SLC9A2: variants seen among roughly 807,000 people sequenced by gnomAD.
SLC9A2 encodes the protein sodium/hydrogen exchanger 2.
A neutral mutation model predicts 71.7 loss-of-function variants in SLC9A2; 42 were observed. That is an observed-to-expected ratio of 0.59 (90% confidence interval 0.46 to 0.76). The LOEUF (loss-of-function observed/expected upper bound fraction) is 0.76. SLC9A2 is among the 30% of genes least tolerant of loss of function. The pLI is 0.00. For synonymous variants in SLC9A2, 396 were observed against 392.5 expected, an observed-to-expected ratio of 1.01 and a Z score of -0.10; for missense variants, 829 against 1,017.4, an observed-to-expected ratio of 0.81 and a Z score of 2.52.
intron 2 of SLC9A2, among the ~76,000 whole-genome samples, chr2:102,660,083 G>A (rs988720708): frequency 2.0e-5 from 3 of 152,142 alleles, no homozygotes; most frequent in Non-Finnish European, 4.4e-5. Flanking sequence ...TCTCAGGATA[G>A]GGTCTGGCTA....
At position 102,627,541 on chromosome 2, in the gene SLC9A2, T is replaced by C. The variant is rs539645992; in HGVS notation, c.289+7404T>C. 2.0e-5 allele frequency among the ~76,000 whole-genome samples: 3 copies of C among 152,262 alleles called. No homozygotes were observed. The South Asian group carries it at 6.2e-4, about 32-fold the overall frequency. On this transcript the variant is annotated intron_variant, in intron 1 of 11. Coordinates refer to ENST00000233969, the MANE Select transcript of SLC9A2 (RefSeq NM_003048.6). Reference sequence around the variant, plus strand: ...TGAGTTTTTAAAAATTTATTGGAAGTTATTTTATGATTTAAAAGATCTCCA... The same window carrying C: ...TGAGTTTTTAAAAATTTATTGGAAGCTATTTTATGATTTAAAAGATCTCCA...
intron 3 of SLC9A2, among the ~76,000 whole-genome samples, chr2:102,667,493 G>T (rs1434070320): frequency 1.3e-5 from 2 of 152,208 alleles, no homozygotes; most frequent in Non-Finnish European, 2.9e-5. Flanking sequence ...TTGGGGGAAA[G>T]TTGAAGAATT....
At chr2:102,627,437 T>A (rs1214564723) in intron 1 of SLC9A2, among the ~76,000 whole-genome samples, 1 of 152,220 alleles carries the variant, frequency 6.6e-6, no homozygotes, top group Admixed American at 6.5e-5. Flanking sequence ...GTGGCTTTAA[T>A]GTTTATAGTT....
intron 1 of SLC9A2, among the ~76,000 whole-genome samples, chr2:102,628,919 G>A (rs893641421): frequency 2.0e-5 from 3 of 152,090 alleles, no homozygotes; most frequent in East Asian, 1.9e-4. Flanking sequence ...AGTGTTGATT[G>A]TGATATCCTT....
chr2:102,682,891 A>G (rs552239821), intron 3 of SLC9A2, among the ~76,000 whole-genome samples: 68 of 152,340 alleles, frequency 4.5e-4, no homozygotes, highest in Non-Finnish European at 7.5e-4. Context: ...TATGTGGGAA[A>G]ATAAATCAGT....
chr2:102,627,614 T>G (rs1676274632), intron 1 of SLC9A2, among the ~76,000 whole-genome samples: 1 of 152,138 alleles, frequency 6.6e-6, no homozygotes, highest in South Asian at 2.1e-4. Flanking sequence ...ATTGTTATGT[T>G]TTTCTTTTTT....
chr2:102,648,580 T>C (rs1188831239), intron 1 of SLC9A2, among the ~76,000 whole-genome samples: 1 of 152,190 alleles, frequency 6.6e-6, no homozygotes, highest in Admixed American at 6.5e-5. Flanking sequence ...GACATGATTG[T>C]ATATTTTGAA....
chr2:102,633,873 A>G lies in SLC9A2; in HGVS notation c.289+13736A>G, dbSNP rs557247984. Among the ~76,000 whole-genome samples the G allele has an allele frequency of 1.2e-3, 184 of 152,378 alleles. 3 individuals are homozygous for G. Among genetic ancestry groups the G allele is most frequent in the African/African-American group, 4.3e-3 (178 of 41,592 alleles). Reference sequence around the variant, plus strand: ...ATAAGTTCAACTACAACAGATTTACAGGAGAAAAGATGTTAAATATGTTTC... The same window carrying G: ...ATAAGTTCAACTACAACAGATTTACGGGAGAAAAGATGTTAAATATGTTTC... On this transcript the variant is annotated intron_variant, in intron 1 of 11. Transcript: ENST00000233969.
intron 1 of SLC9A2, among the ~76,000 whole-genome samples, chr2:102,637,662 G>T (rs1676494466): frequency 6.6e-6 from 1 of 152,144 alleles, no homozygotes; most frequent in Admixed American, 6.5e-5. Flanking sequence ...GTGCTGTACT[G>T]GACCTGCCAG....
intron 1 of SLC9A2, among the ~76,000 whole-genome samples, chr2:102,646,041 G>A (rs539981101): frequency 6.6e-6 from 1 of 152,116 alleles, no homozygotes; most frequent in Admixed American, 6.5e-5. Context: ...AAATATTAAG[G>A]GCAGCCAGAG....
chr2:102,704,820 G>A (rs1558725894), intron 10 of SLC9A2, 145 bp downstream of exon 10: 1 of 766,976 alleles, frequency 1.3e-6, no homozygotes, highest in Non-Finnish European at 2.1e-6. Flanking sequence ...GGTGGCCGGG[G>A]GAAGTGAGTG....
At chr2:102,691,971 G>C (rs1252191709) in intron 5 of SLC9A2, among the ~76,000 whole-genome samples, 1 of 152,164 alleles carries the variant, frequency 6.6e-6, no homozygotes, top group Non-Finnish European at 1.5e-5. Context: ...TGTGTCTTTA[G>C]AACACATTAT....
At chr2:102,665,847 C>A (rs1456105133) in intron 3 of SLC9A2, among the ~76,000 whole-genome samples, 7 of 141,764 alleles carry the variant, frequency 4.9e-5, no homozygotes, top group Non-Finnish European at 1.1e-4. Flanking sequence ...TATGTATCAG[C>A]AAAACTTATG....
intron 3 of SLC9A2, among the ~76,000 whole-genome samples, chr2:102,679,557 T>C (rs1677411702): frequency 6.6e-6 from 1 of 152,024 alleles, no homozygotes; most frequent in South Asian, 2.1e-4. Context: ...AATTTTTTTA[T>C]TTTTAGTAGA....
At chr2:102,667,065 G>A (rs1677154842) in intron 3 of SLC9A2, among the ~76,000 whole-genome samples, 3 of 152,204 alleles carry the variant, frequency 2.0e-5, no homozygotes, top group Non-Finnish European at 2.9e-5. Context: ...CACAAAGAGA[G>A]TGGAAGCTGG....
chr2:102,701,032 A>G, intron 7 of SLC9A2, 38 bp from the exon 8 acceptor site: 1 of 1,409,140 alleles, frequency 7.1e-7, no homozygotes, highest in Non-Finnish European at 9.8e-7. Context: ...TTCTTAGTCA[A>G]TCCAGTATTA....
At chr2:102,681,684 G>T (rs1349128036) in intron 3 of SLC9A2, among the ~76,000 whole-genome samples, 1 of 152,156 alleles carries the variant, frequency 6.6e-6, no homozygotes, top group Admixed American at 6.5e-5. Context: ...CTTCTTTTGG[G>T]AAACCAATAA....
intron 5 of SLC9A2, among the ~76,000 whole-genome samples, chr2:102,687,121 T>C (rs1046729021): frequency 1.3e-5 from 2 of 152,180 alleles, no homozygotes; most frequent in Non-Finnish European, 2.9e-5. Flanking sequence ...GAAGAGAAAT[T>C]GCTGCGGTTC....
intron 1 of SLC9A2, among the ~76,000 whole-genome samples, chr2:102,641,161 A>G (rs901427933): frequency 6.6e-6 from 1 of 151,960 alleles, no homozygotes; most frequent in South Asian, 2.1e-4. Flanking sequence ...GGTGCGACAG[A>G]CTCTCAAATG....
Sources: allele counts gnomAD v4.1 joint callset (sites outside exome capture counted in the v4.1 genomes callset), GRCh38; gene constraint gnomAD v4.1.1; transcripts MANE v1.5; gene names NCBI Gene and HGNC (gene_info 2026-07-23, HGNC 2026-07-21).